VILL: variants seen among roughly 807,000 people sequenced by gnomAD.
VILL encodes villin like, also known as villin-like protein.
In VILL, 102 loss-of-function variants were observed where a neutral mutation model predicts 106.3. The ratio of observed to expected loss-of-function variants is 0.96; its 90% CI spans 0.82 to 1.13. VILL has a LOEUF of 1.13. Ranked by LOEUF, VILL falls within the 50% of genes most tolerant of loss-of-function variation. The pLI, the probability that VILL is intolerant of heterozygous loss-of-function variation, is 0.00. For missense variants in VILL, 1,076 were observed against 1,116.6 expected, an observed-to-expected ratio of 0.96 and a Z score of 0.52; for synonymous variants, 431 against 440.3, an observed-to-expected ratio of 0.98 and a Z score of 0.27.
chr3:38,001,924 A>C, intron 13 of VILL, 64 bp downstream of exon 13: 1 of 1,608,808 alleles, frequency 6.2e-7, no homozygotes, highest in Non-Finnish European at 8.5e-7. Context: ...TGGCCCCCGC[A>C]CACACTTCTA....
intron 15 of VILL, chr3:38,003,622 G>T: frequency 2.6e-6 from 1 of 382,500 alleles, no homozygotes; most frequent in African/African-American, 2.0e-5. Flanking sequence ...CAGTCCTCAG[G>T]GATCACGGTG....
upstream of VILL, among the ~76,000 whole-genome samples, chr3:37,990,571 C>T (rs1319734772): frequency 6.6e-6 from 1 of 152,240 alleles, no homozygotes; most frequent in African/African-American, 2.4e-5. This position sits in a 1 kb window ranked among gnomAD's most constrained non-coding sequence, Gnocchi z 5.1. Context: ...CACTGGTACC[C>T]AGGCAGTGAG....
chr3:38,001,912 C>T (rs769315755), intron 13 of VILL, 52 bp downstream of exon 13: 2 of 1,612,000 alleles, frequency 1.2e-6, no homozygotes, highest in South Asian at 1.1e-5. Flanking sequence ...CTGCATGGGC[C>T]ATGGCCCCCG....
chr3:38,002,909 ATGAC>A (rs1233252942), intron 14 of VILL: 2 of 541,422 alleles, frequency 3.7e-6, no homozygotes, highest in Non-Finnish European at 6.4e-6. Flanking sequence ...AGCATAAACT[ATGAC>A]TGACCCTCTA....
intron 1 of VILL, among the ~76,000 whole-genome samples, chr3:37,991,351 G>A (rs1254453776): frequency 1.3e-5 from 2 of 151,058 alleles, no homozygotes; most frequent in African/African-American, 4.9e-5. Context: ...GAAAGAGAGG[G>A]GAGCCTGGGG....
Position 37,997,211 on chromosome 3 carries a change from G to C in VILL, c.561+24G>C, listed in dbSNP as rs374505234. The C allele has an allele frequency of 7.9e-5, 127 of 1,606,648 alleles. 1 individual carries two copies. The Middle Eastern group carries it at 5.5e-3, about 70-fold the overall frequency. On this transcript the variant is annotated intron_variant, in intron 6 of 19. Transcript: ENST00000383759. The surrounding 1 kb of genome is among the most constrained non-coding windows in gnomAD (Gnocchi z 4.7). ...GGGTCAGTGTCTGCCCAAGGAACTG[G>C]GGAGTACGGGGCTTGGGCGGGGAAT...
chr3:38,000,683 C>T (rs1699796257), intron 11 of VILL, among the ~76,000 whole-genome samples: 1 of 152,146 alleles, frequency 6.6e-6, no homozygotes, highest in Non-Finnish European at 1.5e-5. Context: ...GTCCTGGCTG[C>T]CCGGTAATTG....
rs201859326 is a variant in VILL, at chr3:37,999,031, C to A, written c.1062C>A (p.Asn354Lys). 3.9e-4 allele frequency: 623 copies of A among 1,585,378 alleles called. 1 individual carries two copies. The highest frequency in any genetic ancestry group is 4.9e-4 in the Non-Finnish European group (575 of 1,163,498). Residue 354 changes from asparagine to lysine, a missense_variant, in exon 10 of 20, where the codon AAC (asparagine) becomes AAA (lysine). Transcript: ENST00000383759. ...FRTWSEKRRR[N>K]QKLGGRDKSI... ...CTTGGTCTGAGAAGCGGCGCAGGAACCAGAAGCTCGGCGGGAGGGGTGAGC... is the reference window on the plus strand; with the variant it reads ...CTTGGTCTGAGAAGCGGCGCAGGAAACAGAAGCTCGGCGGGAGGGGTGAGC...
intron 13 of VILL, 133 bp downstream of exon 13, chr3:38,001,993 C>T (rs1276727735): frequency 2.1e-6 from 3 of 1,440,904 alleles, no homozygotes; most frequent in Non-Finnish European, 9.4e-7. Context: ...CAGAGCTTGT[C>T]CAAGGCCCAG....
At chr3:37,995,532 A>G (rs1699684983) in intron 4 of VILL, among the ~76,000 whole-genome samples, 1 of 152,268 alleles carries the variant, frequency 6.6e-6, no homozygotes, top group African/African-American at 2.4e-5. Flanking sequence ...TACGCATGGA[A>G]GTGCACTACA....
intron 2 of VILL, 44 bp downstream of exon 2, chr3:37,993,776 C>T: frequency 6.2e-7 from 1 of 1,609,296 alleles, no homozygotes; most frequent in East Asian, 2.2e-5. Context: ...CATGGAAGAG[C>T]GTGGGGTTTT....
upstream of VILL, chr3:37,988,371 G>T (rs1699573876): frequency 6.6e-6 from 1 of 152,178 alleles, no homozygotes; most frequent in Non-Finnish European, 1.5e-5. Flanking sequence ...AAATTCTGAG[G>T]TTGAATTTTC....
chr3:37,993,822 T>C (rs887293924), intron 2 of VILL, 76 bp from the exon 3 acceptor site: 27 of 1,607,488 alleles, frequency 1.7e-5, no homozygotes, highest in Non-Finnish European at 1.8e-5. Flanking sequence ...ACTCAGAGCG[T>C]CCTCTTCCAC....
chr3:38,001,735 C>T lies in VILL; in HGVS notation c.1354C>T (p.Leu452=), dbSNP rs766795549. 6.2e-7 allele frequency: 1 copy of T among 1,614,256 alleles called. No individual in the cohort carries two copies. Among genetic ancestry groups the T allele is most frequent in the Non-Finnish European group, 8.5e-7 (1 of 1,180,026 alleles). ...HQATADEIEA[L]NSNAEELDVM... ...GGCCACTGCGGATGAGATTGAGGCC[C>T]TGAACAGCAACGCTGAGGAACTAGA... The change falls in exon 13 of 20, where the codon CTG becomes TTG. Residue 452 remains leucine (L), a synonymous_variant. Coordinates refer to ENST00000383759, the MANE Select transcript of VILL (RefSeq NM_015873.4).
intron 11 of VILL, chr3:38,001,084 C>T (rs1699804948): frequency 2.0e-6 from 1 of 493,282 alleles, no homozygotes; most frequent in Admixed American, 2.4e-5. Context: ...CATTCAAGAG[C>T]TCCAAGGCTT....
chr3:38,002,288 G>C (rs770403750), intron 13 of VILL, 108 bp from the exon 14 acceptor site: 2 of 1,083,416 alleles, frequency 1.8e-6, no homozygotes, highest in African/African-American at 3.2e-5. Flanking sequence ...TGAGGGCCTT[G>C]ATGGCTTCAA....
In VILL at chr3:37,997,211, G is replaced by A. The variant is rs374505234; in HGVS notation, c.561+24G>A. 2.8e-5 allele frequency: 45 copies of A among 1,606,530 alleles called. No individual in the cohort carries two copies. The Admixed American group carries it at 6.0e-4, about 21-fold the overall frequency. The stretch of plus-strand genomic sequence containing the variant: ...GGGTCAGTGTCTGCCCAAGGAACTG[G>A]GGAGTACGGGGCTTGGGCGGGGAAT... On this transcript the variant is annotated intron_variant, in intron 6 of 19. Coordinates refer to ENST00000383759, the MANE Select transcript of VILL (RefSeq NM_015873.4). This position sits in a 1 kb window ranked among gnomAD's most constrained non-coding sequence, Gnocchi z 4.7.
rs1699752590 is a variant in VILL, at chr3:37,998,666, CTCTG to C, written c.943-241_943-238del. 6.6e-6 allele frequency among the ~76,000 whole-genome samples: 1 copy of C among 152,116 alleles called. No individual in the cohort carries two copies. Among genetic ancestry groups the C allele is most frequent in the African/African-American group, 2.4e-5 (1 of 41,428 alleles). The stretch of plus-strand genomic sequence containing the variant: ...GGGGCTGGGGAGGAGACAGGGCTCT[CTCTG>C]TCTGGGGTCCGTGAGGGTTGACATG... On this transcript the variant is annotated intron_variant, in intron 9 of 19. Coordinates refer to ENST00000383759, the MANE Select transcript of VILL (RefSeq NM_015873.4). The surrounding 1 kb of genome is among the most constrained non-coding windows in gnomAD (Gnocchi z 4.1).
Position 37,991,341 on chromosome 3 carries a change from G to A in VILL, c.-87+512G>A, listed in dbSNP as rs553194214. Among the ~76,000 whole-genome samples the A allele has an allele frequency of 4.2e-4, 62 of 148,280 alleles. 1 individual carries two copies. In the South Asian group the frequency reaches 7.3e-3, roughly 17 times the overall value. On this transcript the variant is annotated intron_variant, in intron 1 of 19. Transcript: ENST00000383759. ...GTGAAGCGGGTAGGGAGTGCCCCGG[G>A]AAAGAGAGGGGAGCCTGGGGAAGAG...
Sources: gnomAD v4.1 joint callset for allele counts (sites outside exome capture counted in the v4.1 genomes callset) on GRCh38, gnomAD v4.1.1 for gene constraint, Gnocchi (gnomAD v3.1) non-coding constraint, MANE v1.5 for transcripts, NCBI Gene and HGNC (gene_info 2026-07-23, HGNC 2026-07-21) for gene names.